Variants in SEMA3A observed in about 807,000 individuals in gnomAD.
SEMA3A encodes the protein semaphorin-3A.
Under a neutral mutation model 97.9 loss-of-function variants are expected in SEMA3A, and 29 were observed. That is an observed-to-expected ratio of 0.30 (90% confidence interval 0.22 to 0.40). The LOEUF (loss-of-function observed/expected upper bound fraction) is 0.40. SEMA3A is among the 10% of genes least tolerant of loss of function. The pLI is 1.00. For synonymous variants in SEMA3A, 321 were observed against 323.7 expected (o/e 0.99, Z 0.09); for missense variants, 763 against 951.3 (o/e 0.80, Z 2.60).
intron 4 of SEMA3A, among the ~76,000 whole-genome samples, chr7:84,067,414 T>G (rs1332703831): frequency 6.6e-6 from 1 of 151,780 alleles, no homozygotes; most frequent in Admixed American, 6.6e-5. Context: ...AAGCCAAAAT[T>G]GACAAATGGG....
At chr7:84,436,608 C>G (rs1206328032) in intron 1 of SEMA3A, among the ~76,000 whole-genome samples, 1 of 152,084 alleles carries the variant, frequency 6.6e-6, no homozygotes, top group Non-Finnish European at 1.5e-5. Context: ...TTGGGCTTCT[C>G]AGATATAAGT....
intron 3 of SEMA3A, among the ~76,000 whole-genome samples, chr7:84,220,828 A>G (rs1251535972): frequency 6.6e-6 from 1 of 152,172 alleles, no homozygotes; most frequent in African/African-American, 2.4e-5. Context: ...CAGGCAGAGT[A>G]GATTTAGCAT....
intron 1 of SEMA3A, among the ~76,000 whole-genome samples, chr7:84,460,223 T>C (rs1805793301): frequency 6.6e-6 from 1 of 152,206 alleles, no homozygotes; most frequent in South Asian, 2.1e-4. Context: ...TTCTGATAGA[T>C]TGTCTAATCC....
At chr7:84,411,663 T>G (rs542091612) in intron 1 of SEMA3A, among the ~76,000 whole-genome samples, 1 of 152,096 alleles carries the variant, frequency 6.6e-6, no homozygotes, top group East Asian at 1.9e-4. Context: ...TCAAAATCTG[T>G]GTAAACATTT....
chr7:84,304,680 C>CA (rs1801108710), intron 3 of SEMA3A, among the ~76,000 whole-genome samples: 1 of 152,018 alleles, frequency 6.6e-6, no homozygotes, highest in Non-Finnish European at 1.5e-5. Flanking sequence ...TATAGTGACA[C>CA]ACCTTGGAAT....
intron 15 of SEMA3A, among the ~76,000 whole-genome samples, chr7:83,969,655 A>C (rs1422608105): frequency 6.6e-6 from 1 of 152,230 alleles, no homozygotes; most frequent in African/African-American, 2.4e-5. Flanking sequence ...TATAACCCTG[A>C]TTATGATGGA....
At chr7:84,471,071 C>G (rs956469218) in intron 1 of SEMA3A, among the ~76,000 whole-genome samples, 2 of 152,020 alleles carry the variant, frequency 1.3e-5, no homozygotes, top group African/African-American at 4.8e-5. Context: ...TGTATTTCAG[C>G]AAAAACTTTG....
chr7:84,018,910 C>T (rs1791206978), intron 6 of SEMA3A, among the ~76,000 whole-genome samples: 1 of 151,898 alleles, frequency 6.6e-6, no homozygotes, highest in South Asian at 2.1e-4. Context: ...CAGAGAAAAA[C>T]AAAACAAACA....
rs566160742 is a variant in SEMA3A at position 84,293,778 on chromosome 7, G to A, written c.-83+13429C>T. ...CAAAATATAAGAATCCGTGTAAGGG[G>A]AAAAATTAAAAACAATCCGTATATG... is the stretch of plus-strand genomic sequence containing the variant. On this transcript the variant is annotated intron_variant, in intron 3 of 3. Coordinates refer to the SEMA3A transcript ENST00000424555. Among the ~76,000 whole-genome samples, 23 of 152,064 alleles carry A rather than the reference G, an allele frequency of 1.5e-4. No homozygotes were observed. The South Asian group carries it at 2.5e-3, about 16-fold the overall frequency.
intron 12 of SEMA3A, among the ~76,000 whole-genome samples, chr7:83,989,577 T>A (rs979562146): frequency 7.4e-6 from 1 of 135,994 alleles, no homozygotes; most frequent in Non-Finnish European, 1.6e-5. Flanking sequence ...GTTTGGTTTT[T>A]TGTTCTTGCG....
At chr7:84,463,295 C>G (rs538949415) in intron 1 of SEMA3A, among the ~76,000 whole-genome samples, 3 of 125,544 alleles carry the variant, frequency 2.4e-5, no homozygotes, top group Non-Finnish European at 4.7e-5. Context: ...GTCACACAGG[C>G]TGGAGTGCAG....
intron 3 of SEMA3A, among the ~76,000 whole-genome samples, chr7:84,120,956 A>G (rs1307060341): frequency 6.6e-6 from 1 of 152,164 alleles, no homozygotes; most frequent in Non-Finnish European, 1.5e-5. Context: ...GGTAATACCT[A>G]TACATGTGGT....
intron 4 of SEMA3A, among the ~76,000 whole-genome samples, chr7:84,060,878 A>G (rs1457950314): frequency 6.6e-6 from 1 of 152,248 alleles, no homozygotes; most frequent in African/African-American, 2.4e-5. Context: ...GTTATAATCT[A>G]TCATAATGGC....
chr7:84,456,252 T>A (rs1379937370), intron 1 of SEMA3A, among the ~76,000 whole-genome samples: 1 of 151,854 alleles, frequency 6.6e-6, no homozygotes, highest in Non-Finnish European at 1.5e-5. Context: ...TATTCCAACA[T>A]ATAGGATGCT....
At chr7:84,236,558 C>T (rs1204905544) in intron 3 of SEMA3A, among the ~76,000 whole-genome samples, 1 of 152,058 alleles carries the variant, frequency 6.6e-6, no homozygotes. Flanking sequence ...GTTTAACTTC[C>T]TTTTCCATGC....
intron 1 of SEMA3A, among the ~76,000 whole-genome samples, chr7:84,443,199 A>G (rs1048190004): frequency 7.2e-5 from 11 of 152,158 alleles, no homozygotes; most frequent in African/African-American, 2.7e-4. Context: ...CACATGGAAT[A>G]ATTTCAGGAT....
At chr7:84,426,263 T>C (rs1366487565) in intron 1 of SEMA3A, among the ~76,000 whole-genome samples, 1 of 135,904 alleles carries the variant, frequency 7.4e-6, no homozygotes, top group Admixed American at 7.8e-5. Flanking sequence ...GAGAGATAGA[T>C]ATAGATATAT....
intron 1 of SEMA3A, among the ~76,000 whole-genome samples, chr7:84,410,134 C>T (rs1012787438): frequency 1.3e-5 from 2 of 151,900 alleles, no homozygotes; most frequent in African/African-American, 2.4e-5. Context: ...TAAGAATCAA[C>T]AAAAGTAAAC....
chr7:84,205,903 G>A (rs73712705), intron 3 of SEMA3A, among the ~76,000 whole-genome samples: 8,374 of 152,216 alleles, frequency 0.055, 312 homozygotes, highest in Middle Eastern at 0.065. Context: ...AAAGTGGTTC[G>A]AATGTCACTA....
Sources: gnomAD v4.1 joint callset for allele counts (sites outside exome capture counted in the v4.1 genomes callset) on GRCh38, gnomAD v4.1.1 for gene constraint, MANE v1.5 for transcripts, NCBI Gene and HGNC (gene_info 2026-07-23, HGNC 2026-07-21) for gene names.